The following RUNX1T1 variants were observed in gnomAD, a reference collection of about 807,000 sequenced individuals.
The protein encoded by RUNX1T1 is protein CBFA2T1.
Under a neutral mutation model 62.8 loss-of-function variants are expected in RUNX1T1, and 4 were observed. That is an observed-to-expected ratio of 0.06 (90% CI 0.03 to 0.15). The LOEUF is 0.15. RUNX1T1 is among the 10% of genes least tolerant of loss of function. The pLI, the probability that RUNX1T1 is intolerant of heterozygous loss-of-function variation, is 1.00. For synonymous variants in RUNX1T1, 291 were observed against 286.0 expected, an observed-to-expected ratio of 1.02 and a Z score of -0.18; for missense variants, 508 against 754.3, an observed-to-expected ratio of 0.67 and a Z score of 3.82.
intron 8 of RUNX1T1, among the ~76,000 whole-genome samples, chr8:91,981,594 T>C (rs1025949176): frequency 6.6e-6 from 1 of 151,682 alleles, no homozygotes; most frequent in South Asian, 2.1e-4. Flanking sequence ...TTTTTTTATT[T>C]TTAGCATAGA....
At chr8:92,055,306 A>G (rs1275790075) in intron 1 of RUNX1T1, among the ~76,000 whole-genome samples, 2 of 152,244 alleles carry the variant, frequency 1.3e-5, no homozygotes, top group Non-Finnish European at 2.9e-5. Context: ...TAGTTAAACA[A>G]TGTCAACAAC....
At chr8:92,080,487 T>C (rs1835078944) in intron 1 of RUNX1T1, among the ~76,000 whole-genome samples, 1 of 152,244 alleles carries the variant, frequency 6.6e-6, no homozygotes, top group South Asian at 2.1e-4. Flanking sequence ...CAGGACACTG[T>C]GACTGGGAAC....
At chr8:92,015,278 A>G (rs1169831027) in intron 2 of RUNX1T1, among the ~76,000 whole-genome samples, 1 of 152,238 alleles carries the variant, frequency 6.6e-6, no homozygotes, top group African/African-American at 2.4e-5. Flanking sequence ...TGTTTTGTAC[A>G]CACAACTGAC....
intron 8 of RUNX1T1, chr8:91,979,848 T>C (rs1192097906): frequency 9.4e-6 from 5 of 531,556 alleles, no homozygotes; most frequent in Admixed American, 2.2e-5. Context: ...GATGAGCTGA[T>C]AGCCTTTGGA....
chr8:92,023,044 C>T (rs1290580870), intron 1 of RUNX1T1, among the ~76,000 whole-genome samples: 1 of 152,124 alleles, frequency 6.6e-6, no homozygotes, highest in Non-Finnish European at 1.5e-5. Flanking sequence ...CAGTTTCTTT[C>T]TCAATAGCAG....
intron 1 of RUNX1T1, among the ~76,000 whole-genome samples, chr8:92,026,155 CTCT>C (rs1825106379): frequency 6.6e-6 from 1 of 152,046 alleles, no homozygotes; most frequent in Non-Finnish European, 1.5e-5. Flanking sequence ...TCTTATTTTT[CTCT>C]GTTCTATAAT....
In RUNX1T1 at chr8:92,027,806, C is replaced by A. The variant is rs959435886; in HGVS notation, c.8-10443G>T. Among the ~76,000 whole-genome samples, 6 of 151,914 alleles carry A rather than the reference C, an allele frequency of 3.9e-5. No individual in the cohort carries two copies. In the South Asian group the frequency reaches 1.2e-3, roughly 32 times the overall value. On this transcript the variant is annotated intron_variant, in intron 1 of 10. Transcript: ENST00000396218. ...GAGAATGAGATAAATCTATGGCAAT[C>A]GATTACTATTTTTGGAAAACTAATT... is the stretch of plus-strand genomic sequence containing the variant.
intron 10 of RUNX1T1, among the ~76,000 whole-genome samples, chr8:91,961,975 T>C (rs1356152247): frequency 6.6e-6 from 1 of 152,230 alleles, no homozygotes; most frequent in Non-Finnish European, 1.5e-5. Context: ...TCCAGCATGC[T>C]GGTTGTGTGG....
chr8:91,973,728 A>T (rs1337545048), intron 9 of RUNX1T1, among the ~76,000 whole-genome samples: 2 of 152,040 alleles, frequency 1.3e-5, no homozygotes, highest in African/African-American at 4.8e-5. Flanking sequence ...ATCATGTTGG[A>T]TGCCTTGACA....
At chr8:91,959,794 CTTT>C (rs762118177) in exon 11 of RUNX1T1, 7 of 217,082 alleles carry the variant, frequency 3.2e-5, no homozygotes, top group Non-Finnish European at 5.5e-5. Flanking sequence ...GGGTTTTCCT[CTTT>C]TTTTTTTTTC....
intron 1 of RUNX1T1, among the ~76,000 whole-genome samples, chr8:92,035,266 G>A (rs554678361): frequency 7.6e-5 from 11 of 144,078 alleles, no homozygotes; most frequent in South Asian, 2.2e-4. Context: ...TTGCCCTCCC[G>A]TCTGAGCGAT....
At position 92,001,514 on chromosome 8, in the gene RUNX1T1, T is replaced by C. The variant is rs1055129039; in HGVS notation, c.659+3602A>G. On this transcript the variant is annotated intron_variant, in intron 5 of 10. Coordinates refer to ENST00000396218, the Ensembl canonical transcript of RUNX1T1. ...GGAAATACATATTAATCCAACTACATGGCCTTTGCATTGAAAGTTTAGAAG... is the reference window on the plus strand; with the variant it reads ...GGAAATACATATTAATCCAACTACACGGCCTTTGCATTGAAAGTTTAGAAG... 2.6e-5 allele frequency among the ~76,000 whole-genome samples: 4 copies of C among 152,232 alleles called. No homozygotes were observed. The South Asian group carries it at 6.2e-4, about 24-fold the overall frequency.
chr8:92,030,255 C>CAATATATATTGTATTGTATATATATAT (rs1825978928), intron 1 of RUNX1T1, among the ~76,000 whole-genome samples: 1 of 152,044 alleles, frequency 6.6e-6, no homozygotes, highest in African/African-American at 2.4e-5. Context: ...TAGAGCTTAC[C>CAATATATATTGTATTGTATATATATAT]ACAACTGTTG....
In RUNX1T1 at chr8:92,042,802, G is replaced by A. The variant is rs148526718; in HGVS notation, c.7+19744C>T. On this transcript the variant is annotated intron_variant, in intron 1 of 10. Transcript: ENST00000396218. ...GAGAATCTGAACAGAAATGATACAC[G>A]CACACACAAAGGAAAAGATAAGCAT... Among the ~76,000 whole-genome samples, 166 of 152,236 alleles carry A rather than the reference G, an allele frequency of 1.1e-3. 3 individuals are homozygous for A. In the East Asian group the frequency reaches 0.026, roughly 24 times the overall value.
In RUNX1T1 at chr8:92,005,141, T is replaced by G. The variant is rs779775429; in HGVS notation, c.634A>C (p.Asn212His). 6.2e-7 allele frequency: 1 copy of G among 1,611,824 alleles called. No individual in the cohort carries two copies. Among genetic ancestry groups the G allele is most frequent in the African/African-American group, 1.3e-5 (1 of 74,820 alleles). ...CTGTCTGGAGTTCGCCTCTTCCCGT[T>G]TTCGTTCACATCGAGAAGCAGCTCT... The change falls in exon 5 of 11, where the codon AAC (asparagine) becomes CAC (histidine). Residue 212 changes from asparagine to histidine, a missense_variant. Physicochemically the swap from Asn to His is moderately conservative, Grantham distance 68. Transcript: ENST00000396218.
intron 1 of RUNX1T1, among the ~76,000 whole-genome samples, chr8:92,022,899 C>T (rs1824396346): frequency 1.3e-5 from 2 of 152,220 alleles, no homozygotes; most frequent in Admixed American, 6.5e-5. Context: ...GTCCATGTTG[C>T]AGACACTGTT....
chr8:92,029,111 T>C (rs1825780324), intron 1 of RUNX1T1, among the ~76,000 whole-genome samples: 2 of 152,204 alleles, frequency 1.3e-5, no homozygotes, highest in Non-Finnish European at 2.9e-5. Context: ...CCAGGGTATG[T>C]ACCTGTGGCT....
At chr8:92,059,387 G>A (rs1283699547) in intron 1 of RUNX1T1, among the ~76,000 whole-genome samples, 4 of 152,084 alleles carry the variant, frequency 2.6e-5, no homozygotes, top group African/African-American at 9.7e-5. Flanking sequence ...GTCTGTCCAT[G>A]GCAATTTCAT....
chr8:91,992,961 A>G (rs1311528650), intron 5 of RUNX1T1, among the ~76,000 whole-genome samples: 2 of 152,204 alleles, frequency 1.3e-5, no homozygotes, highest in African/African-American at 2.4e-5. Context: ...AATATATTCA[A>G]TAAGATAGAA....
Sources: gnomAD v4.1 joint callset for allele counts (sites outside exome capture counted in the v4.1 genomes callset) on GRCh38, gnomAD v4.1.1 for gene constraint, MANE v1.5 for transcripts, NCBI Gene and HGNC (gene_info 2026-07-23, HGNC 2026-07-21) for gene names.